The following UEVLD variants were observed in gnomAD, a reference collection of about 807,000 sequenced individuals.
UEVLD encodes UEV and lactate/malate dehyrogenase domains, also known as ubiquitin-conjugating enzyme E2 variant 3.
In UEVLD, 47 loss-of-function variants were observed where a neutral mutation model predicts 58.6. The ratio of observed to expected loss-of-function variants is 0.80; its 90% CI spans 0.63 to 1.02. The LOEUF (loss-of-function observed/expected upper bound fraction) is 1.02. Among genes scored for constraint, UEVLD ranks in the 50% least tolerant of loss-of-function variants. UEVLD has a pLI of 0.00. For missense variants in UEVLD, 510 were observed against 550.6 expected, an observed-to-expected ratio of 0.93 and a Z score of 0.74; for synonymous variants, 197 against 195.3, an observed-to-expected ratio of 1.01 and a Z score of -0.07.
rs767474153 is a variant in UEVLD at position 18,588,664 on chromosome 11, G to A, written c.-10C>T. On this transcript the variant is annotated 5_prime_UTR_variant, in exon 1 of 12. Coordinates refer to ENST00000396197, the MANE Select transcript of UEVLD (RefSeq NM_001040697.4). ...CGCAGTCGAACTCCATCTCCAGGCC[G>A]GTCCCGAGCTAGGTCCCAGGACTCC... The A allele has an allele frequency of 1.7e-5, 28 of 1,608,246 alleles. No individual in the cohort carries two copies. The highest frequency in any genetic ancestry group is 2.3e-5 in the Non-Finnish European group (27 of 1,179,652).
chr11:18,563,959 T>G (rs373443013), intron 6 of UEVLD: 17 of 287,410 alleles, frequency 5.9e-5, no homozygotes, highest in South Asian at 5.5e-4. Context: ...GAGCCAAGAT[T>G]GTACCACTAC....
At chr11:18,573,564 G>T (rs1222006638) in intron 3 of UEVLD, among the ~76,000 whole-genome samples, 1 of 152,220 alleles carries the variant, frequency 6.6e-6, no homozygotes, top group East Asian at 1.9e-4. Flanking sequence ...TGCCTGTTCT[G>T]CCTACTTCAC....
At position 18,536,462 on chromosome 11, in the gene UEVLD, TG is replaced by T; in HGVS notation, c.1067del (p.Thr356AsnfsTer8). 6.2e-7 allele frequency: 1 copy of T among 1,613,604 alleles called. No homozygotes were observed. On this transcript the variant is annotated frameshift_variant, in exon 10 of 12. Transcript: ENST00000396197. LOFTEE classifies it high-confidence loss of function. ...IGEQGEDKVL[T>X]WSGQEEVVSH... ...TCACTACTTCTTCTTGGCCACTCCA[TG>T]TGAGCACTAAAATTAGATGAAGAAT...
In UEVLD at chr11:18,588,628, T is replaced by A. The variant is rs1853716657; in HGVS notation, c.27A>T (p.Arg9Ser). 1 of 1,610,194 alleles carries A rather than the reference T, an allele frequency of 6.2e-7. No homozygotes were observed. The highest frequency in any genetic ancestry group is 8.5e-7 in the Non-Finnish European group (1 of 1,179,844). ...CTGCCCGCACCTTGCCAAGCAGCCG[T>A]CTCAGGCCCTCGCAGTCGAACTCCA... The part of the protein sequence containing the change: MEFDCEGL[R>S]RLLGKYKFRD... The change falls in exon 1 of 12, where the codon AGA becomes AGT. Residue 9 changes from arginine (R) to serine (S), a missense_variant. Coordinates refer to ENST00000396197, the MANE Select transcript of UEVLD (RefSeq NM_001040697.4).
chr11:18,575,383 G>T lies in UEVLD; in HGVS notation c.157C>A (p.Leu53Met). The T allele has an allele frequency of 1.2e-6, 2 of 1,608,072 alleles. No individual in the cohort carries two copies. Among genetic ancestry groups the T allele is most frequent in the Non-Finnish European group, 1.7e-6 (2 of 1,178,554 alleles). ...ACAGGAATTGTGCCAGTAAAATTCA[G>T]CAGGTCTTTCTGAGAACTATCTTTA... ...VFKDSSQKDL[L>M]NFTGTIPVMY... The change falls in exon 3 of 12, where the codon CTG (leucine) becomes ATG (methionine). Residue 53 changes from leucine (L) to methionine (M), a missense_variant. By Grantham distance (15) the Leu-to-Met change is conservative (BLOSUM62 2). Transcript: ENST00000396197.
chr11:18,558,107 C>T, intron 7 of UEVLD, 121 bp downstream of exon 7: 1 of 602,096 alleles, frequency 1.7e-6, no homozygotes, highest in Non-Finnish European at 2.7e-6. Context: ...TCTTAGTTTC[C>T]CAATATGTAA....
intron 8 of UEVLD, among the ~76,000 whole-genome samples, chr11:18,545,068 ATC>A (rs1180532985): frequency 1.8e-3 from 73 of 39,704 alleles, no homozygotes; most frequent in Admixed American, 4.6e-3. Flanking sequence ...CTATATCTAT[ATC>A]TATATTTTTT....
chr11:18,578,424 T>C (rs1306988681), intron 2 of UEVLD, among the ~76,000 whole-genome samples: 1 of 152,222 alleles, frequency 6.6e-6, no homozygotes, highest in Admixed American at 6.5e-5. Context: ...GTCAAACCTC[T>C]AGTTTACTTT....
chr11:18,582,517 G>A (rs562237803), intron 1 of UEVLD, among the ~76,000 whole-genome samples: 13 of 148,666 alleles, frequency 8.7e-5, no homozygotes, highest in South Asian at 6.3e-4. Flanking sequence ...GGTATTTTTC[G>A]TAGAGATGGG....
At chr11:18,558,072 G>A (rs1851837476) in intron 7 of UEVLD, among the ~76,000 whole-genome samples, 156 bp downstream of exon 7, 1 of 152,168 alleles carries the variant, frequency 6.6e-6, no homozygotes, top group Admixed American at 6.5e-5. Context: ...ATGACTCTTT[G>A]GGTAAGTCAT....
intron 1 of UEVLD, 73 bp downstream of exon 1, chr11:18,588,540 C>G: frequency 6.4e-7 from 1 of 1,555,564 alleles, no homozygotes; most frequent in Non-Finnish European, 8.7e-7. Flanking sequence ...AAAACGGAGG[C>G]AACCTGGCCA....
At position 18,558,291 on chromosome 11, in the gene UEVLD, C is replaced by T. The variant is rs769993727; in HGVS notation, c.652G>A (p.Gly218Arg). 14 of 1,613,330 alleles carry T rather than the reference C, an allele frequency of 8.7e-6. No homozygotes were observed. Among genetic ancestry groups the T allele is most frequent in the Non-Finnish European group, 1.2e-5 (14 of 1,179,704 alleles). Residue 218 changes from glycine (G) to arginine (R), a missense_variant, in exon 7 of 12, where the codon GGG becomes AGG. By Grantham distance (125) the Gly-to-Arg change is moderately radical. Transcript: ENST00000396197. ...AGGTCCATCGTGGCTCCTTTAGTCC[C>T]TTCTGAGAGGTCTAAGAGGACAAGC... ...DRLVLLDLSEGTKGATMDLEI... is the reference protein window; with the variant it reads ...DRLVLLDLSERTKGATMDLEI...
At position 18,558,307 on chromosome 11, in the gene UEVLD, G is replaced by T. The variant is rs771124216; in HGVS notation, c.636C>A (p.Leu212=). The T allele has an allele frequency of 6.2e-7, 1 of 1,612,848 alleles. No individual in the cohort carries two copies. The highest frequency in any genetic ancestry group is 8.5e-7 in the Non-Finnish European group (1 of 1,179,496). The part of the protein sequence containing the change: ...SAKGIADRLV[L]LDLSEGTKGA... ...CTTTAGTCCCTTCTGAGAGGTCTAAGAGGACAAGCCTGTCTGCAATACCCT... is the reference window on the plus strand; with the variant it reads ...CTTTAGTCCCTTCTGAGAGGTCTAATAGGACAAGCCTGTCTGCAATACCCT... The change falls in exon 7 of 12, where the codon CTC becomes CTA. Residue 212 remains leucine (L), a synonymous_variant. Coordinates refer to ENST00000396197, the MANE Select transcript of UEVLD (RefSeq NM_001040697.4).
chr11:18,537,159 A>G (rs1314033712), intron 9 of UEVLD, among the ~76,000 whole-genome samples: 2 of 151,390 alleles, frequency 1.3e-5, no homozygotes, highest in Non-Finnish European at 2.9e-5. Flanking sequence ...TCGGCCTCCC[A>G]AAGTGCTAGG....
At chr11:18,549,588 T>G (rs769045982) in intron 7 of UEVLD, among the ~76,000 whole-genome samples, 29 of 151,822 alleles carry the variant, frequency 1.9e-4, no homozygotes, top group Admixed American at 4.6e-4. Flanking sequence ...CCGGCTAATT[T>G]TTGTATTTTT....
chr11:18,543,170 C>T (rs760597824), intron 9 of UEVLD, among the ~76,000 whole-genome samples: 1 of 152,148 alleles, frequency 6.6e-6, no homozygotes, highest in Non-Finnish European at 1.5e-5. Flanking sequence ...GGACTACAGG[C>T]GTGAGCCACC....
intron 1 of UEVLD, 94 bp from the exon 2 acceptor site, chr11:18,578,902 C>A: frequency 1.2e-6 from 1 of 810,152 alleles, no homozygotes; most frequent in East Asian, 2.8e-5. Context: ...GAGTCTCACT[C>A]TGTTGCCCAG....
intron 7 of UEVLD, among the ~76,000 whole-genome samples, chr11:18,553,843 G>A (rs1169709044): frequency 1.3e-5 from 2 of 152,146 alleles, no homozygotes; most frequent in Non-Finnish European, 2.9e-5. Context: ...CTGGGAGAAG[G>A]GAAAATGGGG....
intron 1 of UEVLD, among the ~76,000 whole-genome samples, chr11:18,585,962 T>C (rs994140916): frequency 1.3e-5 from 2 of 152,196 alleles, no homozygotes; most frequent in Non-Finnish European, 2.9e-5. Context: ...TCCATAATAA[T>C]GTCAAGGTTA....
Sources: gnomAD v4.1 joint callset for allele counts (sites outside exome capture counted in the v4.1 genomes callset) on GRCh38, gnomAD v4.1.1 for gene constraint, MANE v1.5 for transcripts, NCBI Gene and HGNC (gene_info 2026-07-23, HGNC 2026-07-21) for gene names.